F8: variants seen among roughly 807,000 people sequenced by gnomAD.
F8 encodes coagulation factor VIII.
F8 carries 12 observed loss-of-function variants against 140.6 expected under a neutral mutation model. That is an observed-to-expected ratio of 0.09 (90% CI 0.05 to 0.14). The LOEUF is 0.14. F8 is among the 10% of genes least tolerant of loss of function. The probability of loss-of-function intolerance (pLI) is 1.00; values close to 1 mark genes in which losing one functional copy is unlikely to be tolerated. For synonymous variants in F8, 585 were observed against 614.6 expected, an observed-to-expected ratio of 0.95 and a Z score of 0.71; for missense variants, 1,354 against 1,720.7, an observed-to-expected ratio of 0.79 and a Z score of 3.77.
chrX:154,933,883 G>T (rs1232122694), intron 13 of F8, among the ~76,000 whole-genome samples: 3 of 112,165 alleles, frequency 2.7e-5, no homozygotes, highest in African/African-American at 9.7e-5. Flanking sequence ...AAATAGAAAA[G>T]AATAATTATA....
chrX:154,955,644 T>C (rs1328325410), intron 11 of F8, among the ~76,000 whole-genome samples: 3 of 110,848 alleles, frequency 2.7e-5, no homozygotes, highest in Non-Finnish European at 5.7e-5. Context: ...CGGCAGGTTC[T>C]GTGATGCCCC....
chrX:154,997,894 G>T (rs2073626162), intron 2 of F8, among the ~76,000 whole-genome samples: 1 of 112,031 alleles, frequency 8.9e-6, no homozygotes, highest in South Asian at 3.7e-4. Flanking sequence ...AAACTCCTAT[G>T]ATTTTGGCTT....
intron 6 of F8, among the ~76,000 whole-genome samples, chrX:154,971,628 C>T (rs1391299533): frequency 9.0e-6 from 1 of 111,077 alleles, no homozygotes; most frequent in Non-Finnish European, 1.9e-5. Flanking sequence ...AGTACCAGAA[C>T]TTATTCCTTC....
At chrX:154,998,968 C>T (rs782047768) in intron 2 of F8, among the ~76,000 whole-genome samples, 1 of 111,352 alleles carries the variant, frequency 9.0e-6, no homozygotes, top group African/African-American at 3.3e-5. Flanking sequence ...GGACAGGCCT[C>T]CCACTCCCCA....
In F8 at chrX:154,928,573, G is replaced by A. The variant is rs1603433715; in HGVS notation, c.5217C>T (p.Asn1739=). 8 of 1,205,654 alleles carry A rather than the reference G, an allele frequency of 6.6e-6. No homozygotes were observed. The highest frequency in any genetic ancestry group is 9.0e-6 in the Non-Finnish European group (8 of 890,027). ...GMSSSPHVLR[N]RAQSGSVPQF... Reference sequence around the variant, plus strand: ...AGGAATAACCAATGCATTCATACCTGTTTCTTAGAACATGTGGGGAGCTAC... The same window carrying A: ...AGGAATAACCAATGCATTCATACCTATTTCTTAGAACATGTGGGGAGCTAC... Residue 1739 remains asparagine, a splice_region_variant and synonymous_variant, in exon 14 of 26, where the codon AAC becomes AAT. Coordinates refer to ENST00000360256, the MANE Select transcript of F8 (RefSeq NM_000132.4).
At chrX:154,854,947 C>A (rs959203114) in intron 25 of F8, among the ~76,000 whole-genome samples, 7 of 110,927 alleles carry the variant, frequency 6.3e-5, no homozygotes, top group African/African-American at 2.3e-4. Flanking sequence ...GCCTGGCCAA[C>A]ATGATGAAAC....
chrX:155,003,604 CA>C (rs1156760541), intron 1 of F8, among the ~76,000 whole-genome samples: 4 of 110,952 alleles, frequency 3.6e-5, no homozygotes, highest in Non-Finnish European at 7.6e-5. Flanking sequence ...GAATTTCCCC[CA>C]AATTAATGTC....
intron 25 of F8, among the ~76,000 whole-genome samples, chrX:154,850,818 T>C (rs963052795): frequency 8.9e-6 from 1 of 112,396 alleles, no homozygotes; most frequent in African/African-American, 3.2e-5. Context: ...TTTTCTGATA[T>C]TTGCTATTAT....
At chrX:154,997,578 T>C (rs1170689160) in intron 2 of F8, among the ~76,000 whole-genome samples, 1 of 111,600 alleles carries the variant, frequency 9.0e-6, no homozygotes, top group Non-Finnish European at 1.9e-5. Context: ...GAAGCAAGAT[T>C]TTCAAAGATC....
chrX:154,837,579 G>GTGC lies in F8; in HGVS notation c.*15_*17dup, dbSNP rs1210974402. On this transcript the variant is annotated 3_prime_UTR_variant, in exon 26 of 26. Coordinates refer to ENST00000360256, the MANE Select transcript of F8 (RefSeq NM_000132.4). ...GAGGGAGAGGTGACGGCAGTGGCAG[G>GTGC]TGCTGCAGTGGCCACCCTCAGTAGA... is the stretch of plus-strand genomic sequence containing the variant. The GTGC allele has an allele frequency of 8.4e-7, 1 of 1,185,440 alleles. No homozygotes were observed. Among genetic ancestry groups the GTGC allele is most frequent in the African/African-American group, 1.8e-5 (1 of 56,579 alleles).
At chrX:154,921,770 A>T (rs2073132030) in intron 14 of F8, among the ~76,000 whole-genome samples, 1 of 109,900 alleles carries the variant, frequency 9.1e-6, no homozygotes, top group South Asian at 4.0e-4. Context: ...TCAGCAAACT[A>T]TCGCAAGGAC....
intron 5 of F8, 139 bp from the exon 6 acceptor site, chrX:154,984,942 C>T: frequency 3.7e-6 from 2 of 538,977 alleles, no homozygotes; most frequent in South Asian, 2.4e-5. Context: ...AGCACTTATC[C>T]TCTCAAAGTC....
At chrX:154,933,764 A>G (rs1162744432) in intron 13 of F8, among the ~76,000 whole-genome samples, 1 of 112,604 alleles carries the variant, frequency 8.9e-6, no homozygotes, top group Non-Finnish European at 1.9e-5. Context: ...TTGCCATACT[A>G]AAACACAAGA....
At chrX:154,952,351 G>C (rs925520109) in intron 12 of F8, among the ~76,000 whole-genome samples, 2 of 111,614 alleles carry the variant, frequency 1.8e-5, no homozygotes, top group Non-Finnish European at 3.8e-5. Flanking sequence ...ATAATGGATA[G>C]TAAAGGACTT....
At chrX:154,922,199 A>G (rs897862560) in intron 14 of F8, among the ~76,000 whole-genome samples, 10 of 111,963 alleles carry the variant, frequency 8.9e-5, no homozygotes, top group African/African-American at 3.2e-4. Flanking sequence ...ACTGGTCTAA[A>G]TAACTGTCTT....
At chrX:154,936,721 G>A (rs2073226943) in intron 13 of F8, among the ~76,000 whole-genome samples, 1 of 111,908 alleles carries the variant, frequency 8.9e-6, no homozygotes, top group Non-Finnish European at 1.9e-5. Context: ...ACATGATAAA[G>A]CAACTTGACA....
At chrX:155,011,807 C>T (rs1043803951) in intron 1 of F8, among the ~76,000 whole-genome samples, 1 of 112,114 alleles carries the variant, frequency 8.9e-6, no homozygotes, top group Non-Finnish European at 1.9e-5. Flanking sequence ...CTTACTATAT[C>T]TTTATTTTCT....
Position 154,999,817 on chromosome X carries a change from AC to A in F8, c.144-218del, listed in dbSNP as rs782705852. 1.7e-4 allele frequency among the ~76,000 whole-genome samples: 19 copies of A among 112,603 alleles called. No individual in the cohort carries two copies. In the South Asian group the frequency reaches 6.3e-3, roughly 37 times the overall value. ...AGAATCATAAAATCAATAACCATAC[AC>A]TGCATCAGCCAAAAATCCTTTGCCA... On this transcript the variant is annotated intron_variant, in intron 1 of 25. Coordinates refer to ENST00000360256, the MANE Select transcript of F8 (RefSeq NM_000132.4).
At chrX:154,876,234 C>T (rs1426803596) in intron 22 of F8, among the ~76,000 whole-genome samples, 1 of 108,384 alleles carries the variant, frequency 9.2e-6, no homozygotes. Context: ...ATTCTCTTGC[C>T]TCAGCCTCCC....
Sources: allele counts gnomAD v4.1 joint callset (sites outside exome capture counted in the v4.1 genomes callset), GRCh38; gene constraint gnomAD v4.1.1; transcripts MANE v1.5; gene names NCBI Gene and HGNC (gene_info 2026-07-23, HGNC 2026-07-21).